The following COMMD10 variants were observed in gnomAD, a reference collection of about 807,000 sequenced individuals.
COMMD10 encodes COMM domain-containing protein 10.
A neutral mutation model predicts 28.9 loss-of-function variants in COMMD10; 33 were observed. That is an observed-to-expected ratio of 1.14 (90% confidence interval 0.87 to 1.53). COMMD10 has a LOEUF of 1.53. Among genes scored for constraint, COMMD10 ranks in the 40% most tolerant of loss-of-function variants. The pLI, the probability that COMMD10 is intolerant of heterozygous loss-of-function variation, is 0.00. For synonymous variants in COMMD10, 110 were observed against 81.7 expected, an observed-to-expected ratio of 1.35 and a Z score of -1.87; for missense variants, 310 against 233.4, an observed-to-expected ratio of 1.33 and a Z score of -2.14.
rs1411492572 is a variant in COMMD10, at chr5:116,087,515, A to C, written c.60A>C (p.Ser20=). Residue 20 remains serine, a synonymous_variant, in exon 2 of 7, where the codon TCA becomes TCC. Transcript: ENST00000274458. ...TGTTTAGCATGAAGAAAGCAGTGTC[A>C]CTGATAAATGCAATAGATACAGGAA... ...RESPSMKKAV[S]LINAIDTGRF... 1.2e-6 allele frequency: 2 copies of C among 1,609,842 alleles called. No homozygotes were observed. Among genetic ancestry groups the C allele is most frequent in the South Asian group, 1.1e-5 (1 of 90,994 alleles).
intron 5 of COMMD10, among the ~76,000 whole-genome samples, chr5:116,249,346 T>C (rs1161944177): frequency 6.6e-6 from 1 of 151,980 alleles, no homozygotes; most frequent in African/African-American, 2.4e-5. Context: ...TCAAATGGCC[T>C]GGCCATGGCA....
intron 5 of COMMD10, among the ~76,000 whole-genome samples, chr5:116,203,212 G>C (rs10071359): frequency 0.32 from 48,679 of 151,928 alleles, 10,998 homozygotes; most frequent in African/African-American, 0.65. Context: ...AAGAAACGCA[G>C]AAAACCTCCA....
intron 4 of COMMD10, among the ~76,000 whole-genome samples, chr5:116,109,333 C>T (rs1351406905): frequency 6.6e-6 from 1 of 152,188 alleles, no homozygotes; most frequent in Non-Finnish European, 1.5e-5. Context: ...CCTGTCATTT[C>T]AGCACTTTGA....
intron 4 of COMMD10, among the ~76,000 whole-genome samples, chr5:116,129,333 G>T: frequency 6.9e-6 from 1 of 144,922 alleles, no homozygotes; most frequent in Non-Finnish European, 1.5e-5. Context: ...CTTCTTTTTT[G>T]TATATATAGT....
At chr5:116,169,330 A>C (rs1490494965) in intron 5 of COMMD10, among the ~76,000 whole-genome samples, 1 of 152,150 alleles carries the variant, frequency 6.6e-6, no homozygotes, top group African/African-American at 2.4e-5. Context: ...ACCAATAACA[A>C]GTTCTGAAAT....
intron 5 of COMMD10, among the ~76,000 whole-genome samples, chr5:116,208,906 C>A (rs1393616746): frequency 2.0e-5 from 3 of 152,080 alleles, no homozygotes; most frequent in Admixed American, 1.3e-4. Flanking sequence ...TACTGTTTAT[C>A]CATTGTAATT....
intron 5 of COMMD10, among the ~76,000 whole-genome samples, chr5:116,230,291 A>G (rs1233091136): frequency 6.6e-6 from 1 of 152,040 alleles, no homozygotes; most frequent in African/African-American, 2.4e-5. Context: ...TTAAAATACC[A>G]TACTATTAAG....
At chr5:116,229,082 A>C (rs1447123706) in intron 5 of COMMD10, among the ~76,000 whole-genome samples, 6 of 152,048 alleles carry the variant, frequency 3.9e-5, no homozygotes, top group African/African-American at 1.2e-4. Context: ...TTAGGCATAA[A>C]AGAGGGAGTA....
intron 4 of COMMD10, among the ~76,000 whole-genome samples, chr5:116,132,146 A>G (rs1056045925): frequency 5.3e-5 from 8 of 152,062 alleles, no homozygotes; most frequent in African/African-American, 1.9e-4. Context: ...AGAATCTGAA[A>G]TGAGTCATGA....
chr5:116,144,243 T>TA (rs1214109596), intron 5 of COMMD10, among the ~76,000 whole-genome samples: 1 of 151,796 alleles, frequency 6.6e-6, no homozygotes, highest in Non-Finnish European at 1.5e-5. Flanking sequence ...TGAAGGAGCT[T>TA]ATGACAGTGA....
At chr5:116,277,432 A>C (rs964987708) in intron 5 of COMMD10, among the ~76,000 whole-genome samples, 2 of 151,884 alleles carry the variant, frequency 1.3e-5, no homozygotes, top group Non-Finnish European at 2.9e-5. Context: ...GAGCCTCATT[A>C]GAGGTTAAAA....
intron 5 of COMMD10, among the ~76,000 whole-genome samples, chr5:116,238,371 G>A (rs1324281012): frequency 3.3e-5 from 5 of 152,092 alleles, no homozygotes; most frequent in Non-Finnish European, 7.4e-5. Flanking sequence ...CTTAAATTGG[G>A]CAATTCTCAA....
intron 5 of COMMD10, among the ~76,000 whole-genome samples, chr5:116,264,081 G>C (rs973160567): frequency 2.6e-5 from 4 of 151,732 alleles, no homozygotes; most frequent in Non-Finnish European, 5.9e-5. Flanking sequence ...TAAAATGCAA[G>C]AGCTTTAGAG....
chr5:116,092,632 A>C lies in COMMD10; in HGVS notation c.331A>C (p.Asn111His). The C allele has an allele frequency of 5.0e-6, 8 of 1,612,250 alleles. No homozygotes were observed. Among genetic ancestry groups the C allele is most frequent in the Non-Finnish European group, 6.8e-6 (8 of 1,178,892 alleles). ...LRQDKAEAFV[N>H]TWSSMGQETV... The stretch of plus-strand genomic sequence containing the variant: ...ACAAGACAAAGCTGAAGCATTTGTC[A>C]ATACGTGGTCTTCTATGGGTCAAGA... The change falls in exon 4 of 7, where the codon AAT (asparagine) becomes CAT (histidine). Residue 111 changes from asparagine (N) to histidine (H), a missense_variant. Physicochemically the swap from Asn to His is moderately conservative, Grantham distance 68. Transcript: ENST00000274458.
At chr5:116,241,480 G>A (rs1235457099) in intron 5 of COMMD10, among the ~76,000 whole-genome samples, 2 of 152,046 alleles carry the variant, frequency 1.3e-5, no homozygotes, top group Non-Finnish European at 2.9e-5. Flanking sequence ...ACTAAAAAGT[G>A]CCACAGACTG....
intron 5 of COMMD10, among the ~76,000 whole-genome samples, chr5:116,146,643 TA>T (rs1263475533): frequency 1.1e-4 from 17 of 151,920 alleles, no homozygotes; most frequent in Non-Finnish European, 2.4e-4. Flanking sequence ...TAAGCATGTT[TA>T]CGGTGTTAGT....
intron 5 of COMMD10, among the ~76,000 whole-genome samples, chr5:116,236,436 G>A (rs1400520371): frequency 6.7e-6 from 1 of 149,676 alleles, no homozygotes; most frequent in African/African-American, 2.5e-5. Flanking sequence ...CCCAGGAGGC[G>A]GAGGTTGCGG....
At chr5:116,171,906 C>A (rs1753348287) in intron 5 of COMMD10, among the ~76,000 whole-genome samples, 1 of 152,044 alleles carries the variant, frequency 6.6e-6, no homozygotes, top group South Asian at 2.1e-4. Context: ...AACAAACCAC[C>A]ATGGCACGTG....
At chr5:116,252,337 C>T (rs1265548911) in intron 5 of COMMD10, among the ~76,000 whole-genome samples, 1 of 142,630 alleles carries the variant, frequency 7.0e-6, no homozygotes, top group East Asian at 2.0e-4. Flanking sequence ...GCTTTTGTTG[C>T]CATTGCTTTT....
Sources: gnomAD v4.1 joint callset for allele counts (sites outside exome capture counted in the v4.1 genomes callset) on GRCh38, gnomAD v4.1.1 for gene constraint, MANE v1.5 for transcripts, NCBI Gene and HGNC (gene_info 2026-07-23, HGNC 2026-07-21) for gene names.